SHISA9: variants seen among roughly 807,000 people sequenced by gnomAD.
SHISA9 encodes protein shisa-9.
Under a neutral mutation model 38.0 loss-of-function variants are expected in SHISA9, and 13 were observed. The observed-to-expected ratio is 0.34, with a 90% CI of 0.22 to 0.54. SHISA9 has a LOEUF of 0.54. Among genes scored for constraint, SHISA9 ranks in the 20% least tolerant of loss-of-function variants. SHISA9 has a pLI of 0.91. For missense variants in SHISA9, 538 were observed against 575.8 expected, an observed-to-expected ratio of 0.93 and a Z score of 0.67; for synonymous variants, 275 against 242.0, an observed-to-expected ratio of 1.14 and a Z score of -1.27.
chr16:13,129,376 T>C (rs938981678), intron 2 of SHISA9, among the ~76,000 whole-genome samples: 12 of 152,226 alleles, frequency 7.9e-5, no homozygotes, highest in Non-Finnish European at 1.8e-4. Flanking sequence ...TCCTAAGTTC[T>C]TGGAGTCCTC....
the SHISA9 span, among the ~76,000 whole-genome samples, chr16:13,442,648 G>T: frequency 6.6e-6 from 1 of 152,218 alleles, no homozygotes; most frequent in African/African-American, 2.4e-5. Context: ...TTGTACTTCA[G>T]ATTTTCAAGA....
At chr16:13,478,945 G>A in the SHISA9 span, among the ~76,000 whole-genome samples, 1 of 152,080 alleles carries the variant, frequency 6.6e-6, no homozygotes, top group African/African-American at 2.4e-5. Context: ...TTGCTGCTGT[G>A]GAATATTACC....
the SHISA9 span, among the ~76,000 whole-genome samples, chr16:13,538,635 A>C: frequency 0.82 from 124,128 of 152,132 alleles, 50,872 homozygotes; most frequent in East Asian, 0.99. Context: ...CTAATGAGGA[A>C]AAGCAGAGAA....
intron 2 of SHISA9, among the ~76,000 whole-genome samples, chr16:13,195,110 T>C (rs774283646): frequency 1.2e-4 from 18 of 151,990 alleles, no homozygotes; most frequent in Non-Finnish European, 2.1e-4. Context: ...ATAGAGGGAG[T>C]AGAAAAAACC....
intron 2 of SHISA9, among the ~76,000 whole-genome samples, chr16:13,183,936 G>A (rs2050798174): frequency 1.3e-5 from 2 of 152,098 alleles, no homozygotes; most frequent in Non-Finnish European, 2.9e-5. Flanking sequence ...TTAGCATTAT[G>A]TTCTTGTGGG....
chr16:13,063,386 C>T (rs2073398826), intron 2 of SHISA9, among the ~76,000 whole-genome samples: 1 of 151,268 alleles, frequency 6.6e-6, no homozygotes, highest in Admixed American at 6.6e-5. Context: ...AAAAAAAAAA[C>T]AAAATCCATG....
At chr16:13,371,320 T>C in the SHISA9 span, among the ~76,000 whole-genome samples, 4 of 152,288 alleles carry the variant, frequency 2.6e-5, no homozygotes, top group African/African-American at 7.2e-5. Flanking sequence ...CTCACCCCCA[T>C]AGATTCTGAT....
the SHISA9 span, among the ~76,000 whole-genome samples, chr16:13,337,391 C>A: frequency 1.3e-5 from 2 of 152,222 alleles, no homozygotes; most frequent in East Asian, 1.9e-4. Context: ...GTGAGACGTG[C>A]CTTTCACCTT....
At chr16:13,417,787 A>G in the SHISA9 span, among the ~76,000 whole-genome samples, 2 of 152,170 alleles carry the variant, frequency 1.3e-5, no homozygotes, top group Non-Finnish European at 2.9e-5. Flanking sequence ...CCCTAAGTGG[A>G]GACAATGGGC....
At chr16:13,064,784 CAA>C (rs72435637) in intron 2 of SHISA9, among the ~76,000 whole-genome samples, 3,743 of 82,266 alleles carry the variant, frequency 0.045, 150 homozygotes, top group African/African-American at 0.13. Context: ...AGTTGTAAGG[CAA>C]AAAAAAAAAA....
intron 2 of SHISA9, among the ~76,000 whole-genome samples, chr16:12,954,652 T>C (rs1328959791): frequency 6.6e-6 from 1 of 152,198 alleles, no homozygotes; most frequent in African/African-American, 2.4e-5. Flanking sequence ...TTTTATGCTA[T>C]TTTATATTTT....
rs561901459 is a variant in SHISA9 at position 13,054,009 on chromosome 16, C to G, written c.691+137194C>G. ...TCTCTTCCAGCTGGAAGCTTCATCTCTTCTCTCTCTTTCATATAACCTGCT... is the reference window on the plus strand; with the variant it reads ...TCTCTTCCAGCTGGAAGCTTCATCTGTTCTCTCTCTTTCATATAACCTGCT... On this transcript the variant is annotated intron_variant, in intron 2 of 4. Transcript: ENST00000558583. Among the ~76,000 whole-genome samples, 3 of 152,298 alleles carry G rather than the reference C, an allele frequency of 2.0e-5. No individual in the cohort carries two copies. In the East Asian group the frequency reaches 5.8e-4, roughly 29 times the overall value.
the SHISA9 span, among the ~76,000 whole-genome samples, chr16:13,342,208 C>T: frequency 2.0e-5 from 3 of 152,202 alleles, no homozygotes; most frequent in Non-Finnish European, 2.9e-5. Flanking sequence ...TATTATTTCA[C>T]GTGCTCTATA....
chr16:13,467,000 C>A, the SHISA9 span, among the ~76,000 whole-genome samples: 1 of 152,240 alleles, frequency 6.6e-6, no homozygotes, highest in Non-Finnish European at 1.5e-5. Context: ...GAATTATGAC[C>A]TTGTTATGAT....
the SHISA9 span, among the ~76,000 whole-genome samples, chr16:13,494,479 T>C: frequency 6.6e-6 from 1 of 152,062 alleles, no homozygotes; most frequent in Non-Finnish European, 1.5e-5. Flanking sequence ...CAACCTGGAA[T>C]CTGAGAAACA....
At chr16:13,537,587 A>T in the SHISA9 span, among the ~76,000 whole-genome samples, 1 of 152,204 alleles carries the variant, frequency 6.6e-6, no homozygotes, top group Non-Finnish European at 1.5e-5. Flanking sequence ...TGGAAGAAAG[A>T]TTCGTGGTTA....
At chr16:13,338,225 C>G in the SHISA9 span, among the ~76,000 whole-genome samples, 24 of 152,158 alleles carry the variant, frequency 1.6e-4, no homozygotes, top group African/African-American at 5.8e-4. Flanking sequence ...ATTTGAATCC[C>G]TGGATCCAGC....
intron 2 of SHISA9, among the ~76,000 whole-genome samples, chr16:12,926,205 A>G (rs2071391622): frequency 6.6e-6 from 1 of 151,920 alleles, no homozygotes; most frequent in Non-Finnish European, 1.5e-5. Context: ...TAAACCTTAT[A>G]CTCTAGTTAT....
the SHISA9 span, among the ~76,000 whole-genome samples, chr16:13,539,462 C>T: frequency 6.6e-6 from 1 of 150,856 alleles, no homozygotes; most frequent in Non-Finnish European, 1.5e-5. Context: ...CAGGTGTCAA[C>T]CACTATGCTT....
Sources: allele counts gnomAD v4.1 joint callset (sites outside exome capture counted in the v4.1 genomes callset), GRCh38; gene constraint gnomAD v4.1.1; transcripts MANE v1.5; gene names NCBI Gene and HGNC (gene_info 2026-07-23, HGNC 2026-07-21).